AGBL4: variants seen among roughly 807,000 people sequenced by gnomAD.
The protein encoded by AGBL4 is AGBL carboxypeptidase 4.
In AGBL4, 58 loss-of-function variants were observed where a neutral mutation model predicts 66.4. That is an observed-to-expected ratio of 0.87 (90% CI 0.71 to 1.09). The LOEUF (loss-of-function observed/expected upper bound fraction) is 1.09. Among genes scored for constraint, AGBL4 ranks in the 50% least tolerant of loss-of-function variants. The probability of loss-of-function intolerance (pLI) is 0.00; values close to 1 mark genes in which losing one functional copy is unlikely to be tolerated. For synonymous variants in AGBL4, 234 were observed against 222.9 expected (o/e 1.05, Z -0.44); for missense variants, 579 against 631.0 (o/e 0.92, Z 0.88).
intron 2 of AGBL4, among the ~76,000 whole-genome samples, chr1:49,848,090 C>T (rs1405622724): frequency 6.6e-6 from 1 of 151,986 alleles, no homozygotes; most frequent in Non-Finnish European, 1.5e-5. Flanking sequence ...GTCAGAATGA[C>T]TATTATTAAA....
chr1:49,822,381 T>C (rs1645393100), intron 2 of AGBL4, among the ~76,000 whole-genome samples: 1 of 151,948 alleles, frequency 6.6e-6, no homozygotes, highest in Non-Finnish European at 1.5e-5. Flanking sequence ...CAGGCTGGAA[T>C]GTAGTGGCGT....
At chr1:49,609,051 T>G (rs1315106135) in intron 3 of AGBL4, among the ~76,000 whole-genome samples, 2 of 152,176 alleles carry the variant, frequency 1.3e-5, no homozygotes, top group African/African-American at 4.8e-5. Flanking sequence ...CTGCCATTGA[T>G]GCTACTGTCA....
chr1:49,036,232 A>G (rs1423941061), intron 5 of AGBL4, among the ~76,000 whole-genome samples: 1 of 152,116 alleles, frequency 6.6e-6, no homozygotes, highest in Non-Finnish European at 1.5e-5. Context: ...CAACAAAAAA[A>G]TCTACTATAG....
intron 6 of AGBL4, among the ~76,000 whole-genome samples, chr1:48,702,499 C>T (rs1407978245): frequency 6.6e-6 from 1 of 152,060 alleles, no homozygotes; most frequent in African/African-American, 2.4e-5. Flanking sequence ...ACCATGTTGG[C>T]CATGCTGGTC....
intron 3 of AGBL4, among the ~76,000 whole-genome samples, chr1:49,370,925 G>A (rs1283138957): frequency 6.6e-6 from 1 of 151,942 alleles, no homozygotes; most frequent in Non-Finnish European, 1.5e-5. Flanking sequence ...CCATAATGTG[G>A]GTGGGCCTCA....
chr1:48,690,931 G>A (rs1646620019), intron 6 of AGBL4, among the ~76,000 whole-genome samples: 1 of 152,036 alleles, frequency 6.6e-6, no homozygotes, highest in African/African-American at 2.4e-5. Flanking sequence ...TTGGGAAGCC[G>A]AGACGGGTGG....
intron 4 of AGBL4, among the ~76,000 whole-genome samples, chr1:49,152,071 T>C (rs1557683071): frequency 6.6e-6 from 1 of 152,126 alleles, no homozygotes; most frequent in Non-Finnish European, 1.5e-5. Context: ...ATCTTACATA[T>C]ACTAGCTTAA....
intron 3 of AGBL4, among the ~76,000 whole-genome samples, chr1:49,583,431 T>C (rs891922001): frequency 5.9e-5 from 9 of 152,184 alleles, no homozygotes; most frequent in Non-Finnish European, 1.3e-4. Flanking sequence ...CTGAGTTACA[T>C]GGGTGATCAC....
At chr1:49,258,960 A>G (rs1182663716) in intron 3 of AGBL4, among the ~76,000 whole-genome samples, 4 of 152,224 alleles carry the variant, frequency 2.6e-5, no homozygotes, top group African/African-American at 7.2e-5. Flanking sequence ...CGGATCTCTC[A>G]GCAGAAACTC....
At chr1:48,844,264 T>C (rs1203471621) in intron 6 of AGBL4, among the ~76,000 whole-genome samples, 1 of 152,178 alleles carries the variant, frequency 6.6e-6, no homozygotes, top group Non-Finnish European at 1.5e-5. Context: ...CCCTCTCAGC[T>C]TTTTTAAAAG....
At chr1:49,770,123 CAGG>C in intron 2 of AGBL4, among the ~76,000 whole-genome samples, 1 of 152,266 alleles carries the variant, frequency 6.6e-6, no homozygotes. Context: ...ATCACGAGGT[CAGG>C]AGATCAAGAC....
intron 2 of AGBL4, among the ~76,000 whole-genome samples, chr1:49,766,845 A>G (rs1652766659): frequency 6.6e-6 from 1 of 152,092 alleles, no homozygotes; most frequent in Non-Finnish European, 1.5e-5. Flanking sequence ...TCAAAACAAA[A>G]AAGGACAAAA....
At chr1:49,488,482 T>C (rs1323938850) in intron 3 of AGBL4, among the ~76,000 whole-genome samples, 1 of 151,720 alleles carries the variant, frequency 6.6e-6, no homozygotes, top group Non-Finnish European at 1.5e-5. Context: ...CAATGCATAA[T>C]AATCACATCA....
chr1:48,664,749 C>A (rs570255231), intron 6 of AGBL4, among the ~76,000 whole-genome samples: 8 of 152,268 alleles, frequency 5.3e-5, no homozygotes, highest in Non-Finnish European at 8.8e-5. Context: ...GCAAAGATAT[C>A]ATCAGACAAA....
intron 3 of AGBL4, among the ~76,000 whole-genome samples, chr1:49,274,234 T>G (rs1367506807): frequency 6.6e-6 from 1 of 152,206 alleles, no homozygotes; most frequent in Non-Finnish European, 1.5e-5. Context: ...CAGTCATATT[T>G]CAAATTCTAA....
chr1:49,397,637 G>GCAAA (rs948874785), intron 3 of AGBL4, among the ~76,000 whole-genome samples: 1 of 152,082 alleles, frequency 6.6e-6, no homozygotes, highest in Non-Finnish European at 1.5e-5. Flanking sequence ...TGGTAAAAAA[G>GCAAA]CAAACAAACA....
At chr1:49,052,251 C>T (rs1358116105) in intron 4 of AGBL4, among the ~76,000 whole-genome samples, 1 of 152,104 alleles carries the variant, frequency 6.6e-6, no homozygotes, top group Non-Finnish European at 1.5e-5. Flanking sequence ...TGGTCATGGA[C>T]AGCAACAATA....
chr1:48,847,467 C>T lies in AGBL4; in HGVS notation c.634+19724G>A, dbSNP rs545078551. ...GCCACTTATGATCCTGAGTGAATCT[C>T]AGCTGGGTGATCCTGAGTGAATCAC... is the stretch of plus-strand genomic sequence containing the variant. On this transcript the variant is annotated intron_variant, in intron 6 of 13. Transcript: ENST00000371839. Among the ~76,000 whole-genome samples, 4 of 151,334 alleles carry T rather than the reference C, an allele frequency of 2.6e-5. No individual in the cohort carries two copies. In the South Asian group the frequency reaches 8.4e-4, roughly 32 times the overall value.
At chr1:49,597,203 T>C (rs185474455) in intron 3 of AGBL4, among the ~76,000 whole-genome samples, 33 of 152,336 alleles carry the variant, frequency 2.2e-4, no homozygotes, top group Admixed American at 3.3e-4. Context: ...GAACTGTTTG[T>C]AGTGCTCTTA....
Sources: allele counts gnomAD v4.1 joint callset (sites outside exome capture counted in the v4.1 genomes callset), GRCh38; gene constraint gnomAD v4.1.1; transcripts MANE v1.5; gene names NCBI Gene and HGNC (gene_info 2026-07-23, HGNC 2026-07-21).